The following EPC2 variants were observed in gnomAD, a reference collection of about 807,000 sequenced individuals.
EPC2 encodes the protein enhancer of polycomb homolog 2.
Under a neutral mutation model 92.1 loss-of-function variants are expected in EPC2, and 14 were observed. The ratio of observed to expected loss-of-function variants is 0.15; its 90% confidence interval spans 0.10 to 0.24. The LOEUF (loss-of-function observed/expected upper bound fraction) is 0.24, where lower values mean the gene tolerates loss of function less well. EPC2 is among the 10% of genes least tolerant of loss of function. The pLI, the probability that EPC2 is intolerant of heterozygous loss-of-function variation, is 1.00. For missense variants in EPC2, 755 were observed against 971.5 expected (o/e 0.78, Z 2.96); for synonymous variants, 340 against 334.7 (o/e 1.02, Z -0.17).
chr2:148,773,401 T>A (rs1683566034), intron 10 of EPC2, among the ~76,000 whole-genome samples: 1 of 152,116 alleles, frequency 6.6e-6, no homozygotes, highest in Non-Finnish European at 1.5e-5. Context: ...TCTGTGTGAT[T>A]TTTCCTATCT....
chr2:148,735,650 C>T (rs1440771939), intron 2 of EPC2, among the ~76,000 whole-genome samples: 1 of 151,742 alleles, frequency 6.6e-6, no homozygotes, highest in Non-Finnish European at 1.5e-5. Flanking sequence ...ATAGCCATCC[C>T]AAAATTATTT....
At chr2:148,754,250 T>C in intron 4 of EPC2, 117 bp downstream of exon 4, 1 of 825,764 alleles carries the variant, frequency 1.2e-6, no homozygotes, top group South Asian at 2.0e-5. Context: ...TTGATGACTT[T>C]CTATAAGAAA....
intron 1 of EPC2, among the ~76,000 whole-genome samples, chr2:148,689,573 CTG>C (rs1163730608): frequency 6.6e-6 from 1 of 151,942 alleles, no homozygotes; most frequent in African/African-American, 2.4e-5. Flanking sequence ...AAAGGTAAAA[CTG>C]TTTTATTGGG....
chr2:148,687,208 C>T (rs929525394), intron 1 of EPC2, among the ~76,000 whole-genome samples: 3 of 152,188 alleles, frequency 2.0e-5, no homozygotes, highest in Non-Finnish European at 4.4e-5. Flanking sequence ...TCTCTGCCAT[C>T]TTCTAACTTT....
At chr2:148,757,739 AG>A (rs1317598942) in intron 4 of EPC2, among the ~76,000 whole-genome samples, 5 of 152,068 alleles carry the variant, frequency 3.3e-5, no homozygotes, top group African/African-American at 1.2e-4. Flanking sequence ...CAGGAGGCTG[AG>A]GCAGGAGAAT....
At chr2:148,764,672 A>G (rs982856715) in intron 6 of EPC2, among the ~76,000 whole-genome samples, 1 of 152,224 alleles carries the variant, frequency 6.6e-6, no homozygotes. Context: ...CCTTTTAAAT[A>G]CTGGATTACA....
chr2:148,734,597 C>CT (rs1682714107), intron 2 of EPC2, among the ~76,000 whole-genome samples: 1 of 152,002 alleles, frequency 6.6e-6, no homozygotes, highest in African/African-American at 2.4e-5. Context: ...AATTGCTTGC[C>CT]TTTATTGAAC....
At chr2:148,783,554 T>C in intron 11 of EPC2, 43 bp from the exon 12 acceptor site, 1 of 1,551,556 alleles carries the variant, frequency 6.4e-7, no homozygotes, top group South Asian at 1.2e-5. Context: ...GTTCATAAAA[T>C]CACATCTAAA....
In EPC2 at chr2:148,687,051, A is replaced by G. The variant is rs181384520; in HGVS notation, c.154-3163A>G. Among the ~76,000 whole-genome samples, 605 of 152,252 alleles carry G rather than the reference A, an allele frequency of 4.0e-3. 4 individuals carry two copies. Among genetic ancestry groups the G allele is most frequent in the Non-Finnish European group, 6.5e-3 (439 of 68,022 alleles). On this transcript the variant is annotated intron_variant, in intron 1 of 13. Coordinates refer to ENST00000258484, the MANE Select transcript of EPC2 (RefSeq NM_015630.4). ...AGAAGGCTATTTCATCTACATTGAA[A>G]ATCTATTATTCAGTGTAGCCACCTT... is the stretch of plus-strand genomic sequence containing the variant.
At chr2:148,678,809 C>T (rs1229907413) in intron 1 of EPC2, among the ~76,000 whole-genome samples, 1 of 152,238 alleles carries the variant, frequency 6.6e-6, no homozygotes. Flanking sequence ...CAGGTTCCAG[C>T]CTTGGCCAGC....
chr2:148,702,648 G>A (rs1324775487), intron 2 of EPC2, among the ~76,000 whole-genome samples: 1 of 152,176 alleles, frequency 6.6e-6, no homozygotes, highest in African/African-American at 2.4e-5. Flanking sequence ...TCAATACTGT[G>A]ATTTCAGAAA....
intron 1 of EPC2, among the ~76,000 whole-genome samples, chr2:148,655,536 G>A (rs1680774461): frequency 6.6e-6 from 1 of 152,138 alleles, no homozygotes; most frequent in African/African-American, 2.4e-5. Flanking sequence ...ATAATTTGAC[G>A]TGAAAAGATC....
Position 148,714,642 on chromosome 2 carries a change from T to A in EPC2, c.313+24269T>A, listed in dbSNP as rs561619728. On this transcript the variant is annotated intron_variant, in intron 2 of 13. Coordinates refer to ENST00000258484, the MANE Select transcript of EPC2 (RefSeq NM_015630.4). ...AGATGGTACCTCATTGTGGTTTTGA[T>A]TTGCATTTCTCTAATGATCAGTGGT... is the stretch of plus-strand genomic sequence containing the variant. Among the ~76,000 whole-genome samples, 4 of 152,360 alleles carry A rather than the reference T, an allele frequency of 2.6e-5. No homozygotes were observed. The South Asian group carries it at 6.2e-4, about 24-fold the overall frequency.
rs976884857 is a variant in EPC2, at chr2:148,690,255, T to C, written c.195T>C (p.Phe65=). ...GAGCAATTTCAGCACAGCAAGTGTTTAGAGAAAAAAAAGAGAGTATGGTCA... is the reference window on the plus strand; with the variant it reads ...GAGCAATTTCAGCACAGCAAGTGTTCAGAGAAAAAAAAGAGAGTATGGTCA... ...LQRAISAQQV[F]REKKESMVIP... is the part of the protein sequence containing the mutation. Residue 65 remains phenylalanine (F), a synonymous_variant, in exon 2 of 14, where the codon TTT becomes TTC. Transcript: ENST00000258484. 8.1e-6 allele frequency: 13 copies of C among 1,608,934 alleles called. No homozygotes were observed. The highest frequency in any genetic ancestry group is 2.2e-5 in the East Asian group (1 of 44,754).
At chr2:148,694,104 A>G (rs1169230793) in intron 2 of EPC2, among the ~76,000 whole-genome samples, 5 of 152,266 alleles carry the variant, frequency 3.3e-5, no homozygotes, top group Non-Finnish European at 5.9e-5. Flanking sequence ...CATATACTCC[A>G]TGGCATTTTC....
At chr2:148,691,494 T>A in intron 2 of EPC2, 1 of 1,547,782 alleles carries the variant, frequency 6.5e-7, no homozygotes, top group Non-Finnish European at 8.7e-7. Context: ...GACTATAAGA[T>A]TGACTGCTTT....
chr2:148,652,669 A>G (rs200107645), intron 1 of EPC2, among the ~76,000 whole-genome samples: 51 of 144,796 alleles, frequency 3.5e-4, no homozygotes, highest in Admixed American at 2.9e-3. Context: ...TTAGATGAAA[A>G]GAACTAACAA....
At chr2:148,776,856 C>CTCTTTTTTTTTT (rs1247135854) in intron 10 of EPC2, among the ~76,000 whole-genome samples, 2 of 101,030 alleles carry the variant, frequency 2.0e-5, no homozygotes, top group Admixed American at 2.4e-4. Context: ...GTCTCTCTCT[C>CTCTTTTTTTTTT]TTTTTTTTTT....
intron 3 of EPC2, among the ~76,000 whole-genome samples, chr2:148,751,741 A>G (rs1683086111): frequency 6.6e-6 from 1 of 152,142 alleles, no homozygotes; most frequent in South Asian, 2.1e-4. Flanking sequence ...TGATTTATCT[A>G]CAAGTAGTTC....
Sources: allele counts gnomAD v4.1 joint callset (sites outside exome capture counted in the v4.1 genomes callset), GRCh38; gene constraint gnomAD v4.1.1; transcripts MANE v1.5; gene names NCBI Gene and HGNC (gene_info 2026-07-23, HGNC 2026-07-21).